Variants in KIF13A observed in about 807,000 individuals in gnomAD.
KIF13A encodes kinesin-like protein KIF13A.
A neutral mutation model predicts 212.2 loss-of-function variants in KIF13A; 79 were observed. The ratio of observed to expected loss-of-function variants is 0.37; its 90% CI spans 0.31 to 0.45. The LOEUF (loss-of-function observed/expected upper bound fraction) is 0.45. KIF13A is among the 20% of genes least tolerant of loss of function. KIF13A has a pLI of 1.00. For missense variants in KIF13A, 1,901 were observed against 2,209.0 expected (o/e 0.86, Z 2.79); for synonymous variants, 789 against 808.6 (o/e 0.98, Z 0.41).
intron 2 of KIF13A, among the ~76,000 whole-genome samples, chr6:17,981,024 C>CT (rs71687340): frequency 0.076 from 10,835 of 142,620 alleles, 448 homozygotes; most frequent in Middle Eastern, 0.13. Flanking sequence ...AAGAGGGGGA[C>CT]TTTTTTTTTT....
rs73723272 is a variant in KIF13A at position 17,896,493 on chromosome 6, G to A, written c.159+1675C>T. 6.5e-3 allele frequency among the ~76,000 whole-genome samples: 985 copies of A among 152,216 alleles called. 7 individuals are homozygous for A. The highest frequency in any genetic ancestry group is 0.023 in the African/African-American group (939 of 41,526). Reference sequence around the variant, plus strand: ...GAGGAAAGGCCTATATCTACTTTGTGTCCATCTTTATTTGATTCTATTGTG... The same window carrying A: ...GAGGAAAGGCCTATATCTACTTTGTATCCATCTTTATTTGATTCTATTGTG... On this transcript the variant is annotated intron_variant, in intron 3 of 38. Coordinates refer to ENST00000259711, the MANE Select transcript of KIF13A (RefSeq NM_022113.6).
chr6:17,839,820 A>G lies in KIF13A; in HGVS notation c.831-2237T>C, dbSNP rs1284241187. ...CGAGGATTGATGGCCCTACAGAAAC[A>G]AGGGGAGAGGCATGGAACAGATTCT... On this transcript the variant is annotated intron_variant, in intron 9 of 38. Coordinates refer to ENST00000259711, the MANE Select transcript of KIF13A (RefSeq NM_022113.6). This position sits in a 1 kb window ranked among gnomAD's most constrained non-coding sequence, Gnocchi z 4.3. 6.6e-6 allele frequency among the ~76,000 whole-genome samples: 1 copy of G among 152,128 alleles called. No individual in the cohort carries two copies. The highest frequency in any genetic ancestry group is 1.5e-5 in the Non-Finnish European group (1 of 68,010).
At position 17,987,398 on chromosome 6, in the gene KIF13A, A is replaced by G; in HGVS notation, c.55+11T>C. On this transcript the variant is annotated intron_variant, in intron 1 of 38. Transcript: ENST00000259711. The surrounding 1 kb of genome is among the most constrained non-coding windows in gnomAD (Gnocchi z 7.7). ...CCGAGCAGAAATAAAAAAGAGCGGA[A>G]AGCTCCTCACCTCGTCGGTTCATGG... is the stretch of plus-strand genomic sequence containing the variant. 3 of 1,365,808 alleles carry G rather than the reference A, an allele frequency of 2.2e-6. No homozygotes were observed. The highest frequency in any genetic ancestry group is 1.9e-6 in the Non-Finnish European group (2 of 1,030,940). The allele number at this position is 1,365,808 out of a possible 1,614,324, so 84.6% of individuals were successfully genotyped here. A position where few individuals can be genotyped will look rare whatever the true frequency, so the allele number is the denominator to read the frequency against.
chr6:17,977,114 CAAAAA>C (rs398000718), intron 2 of KIF13A, among the ~76,000 whole-genome samples: 189 of 106,664 alleles, frequency 1.8e-3, no homozygotes, highest in Admixed American at 2.4e-3. Context: ...AAAACAACAA[CAAAAA>C]AAAAAAAAAA....
chr6:17,963,798 G>A lies in KIF13A; in HGVS notation c.146+23256C>T, dbSNP rs756245661. Among the ~76,000 whole-genome samples, 5 of 152,092 alleles carry A rather than the reference G, an allele frequency of 3.3e-5. No individual in the cohort carries two copies. The highest frequency in any genetic ancestry group is 1.9e-4 in the East Asian group (1 of 5,176). Reference sequence around the variant, plus strand: ...TTTCATACTCCTGACCTTGTGATCCGCCCACCTCAGCCTCCCAAAGTGTTG... The same window carrying A: ...TTTCATACTCCTGACCTTGTGATCCACCCACCTCAGCCTCCCAAAGTGTTG... On this transcript the variant is annotated intron_variant, in intron 2 of 38. Transcript: ENST00000259711. The surrounding 1 kb of genome is among the most constrained non-coding windows in gnomAD (Gnocchi z 4.1).
Position 17,982,453 on chromosome 6 carries a change from A to T in KIF13A, c.146+4601T>A, listed in dbSNP as rs2150644298. On this transcript the variant is annotated intron_variant, in intron 2 of 38. Transcript: ENST00000259711. The surrounding 1 kb of genome is among the most constrained non-coding windows in gnomAD (Gnocchi z 5.1). ...TGTTCAGACAGGGATACCGCTGGTG[A>T]ATAAACTAAAAAATACATACAAAGT... is the stretch of plus-strand genomic sequence containing the variant. 1.0e-6 allele frequency: 1 copy of T among 983,954 alleles called. No individual in the cohort carries two copies. The highest frequency in any genetic ancestry group is 4.7e-5 in the South Asian group (1 of 21,248). 61.0% of individuals were successfully genotyped at this position (983,954 alleles called of 1,614,324 possible).
At chr6:17,870,412 T>C (rs2150430918) in intron 4 of KIF13A, among the ~76,000 whole-genome samples, 1 of 152,098 alleles carries the variant, frequency 6.6e-6, no homozygotes, top group Middle Eastern at 3.4e-3. Flanking sequence ...GTTTCACAAC[T>C]AAATTTTATC....
intron 17 of KIF13A, chr6:17,812,695 A>C (rs900424422): frequency 3.3e-5 from 5 of 152,196 alleles, no homozygotes; most frequent in Admixed American, 3.3e-4. Flanking sequence ...TACATACCCA[A>C]TAGTGAGATG....
At position 17,780,580 on chromosome 6, in the gene KIF13A, T is replaced by C. The variant is rs950597373; in HGVS notation, c.3846+150A>G. On this transcript the variant is annotated intron_variant, in intron 31 of 38. Coordinates refer to ENST00000259711, the MANE Select transcript of KIF13A (RefSeq NM_022113.6). ...TGACCTCTGCTATCCTAATGCCCAC[T>C]ACCTTGGATAAATGAGAATCAGACT... The C allele has an allele frequency of 5.6e-6, 4 of 709,742 alleles. No individual in the cohort carries two copies. In the East Asian group the frequency reaches 8.1e-5, roughly 14 times the overall value. 44.0% of individuals were successfully genotyped at this position (709,742 alleles called of 1,614,324 possible).
At chr6:17,819,593 G>GA (rs1562014463) in intron 16 of KIF13A, among the ~76,000 whole-genome samples, 2 of 148,146 alleles carry the variant, frequency 1.4e-5, no homozygotes. Flanking sequence ...TAAACTGGGG[G>GA]AAAAAACCCA....
intron 22 of KIF13A, among the ~76,000 whole-genome samples, chr6:17,798,597 T>C (rs903903956): frequency 6.6e-6 from 1 of 152,132 alleles, no homozygotes; most frequent in African/African-American, 2.4e-5. Flanking sequence ...AGGGATCTTG[T>C]GTATCTATGA....
At chr6:17,845,541 T>C (rs1041798278) in intron 9 of KIF13A, among the ~76,000 whole-genome samples, 1 of 152,192 alleles carries the variant, frequency 6.6e-6, no homozygotes, top group African/African-American at 2.4e-5. Context: ...AGATAAACAT[T>C]GTTTGCATTT....
chr6:17,808,166 A>C lies in KIF13A; in HGVS notation c.2163+602T>G, dbSNP rs548358607. On this transcript the variant is annotated intron_variant, in intron 18 of 38. Coordinates refer to ENST00000259711, the MANE Select transcript of KIF13A (RefSeq NM_022113.6). The stretch of plus-strand genomic sequence containing the variant: ...CTCTGGGAGACTGAGCGTGCAGAAC[A>C]TCTGAACCCAGGAGTTCAAGACTAG... Among the ~76,000 whole-genome samples the C allele has an allele frequency of 2.6e-5, 4 of 152,314 alleles. No homozygotes were observed. The South Asian group carries it at 8.3e-4, about 32-fold the overall frequency.
intron 17 of KIF13A, among the ~76,000 whole-genome samples, chr6:17,813,404 TGG>T (rs1763609460): frequency 6.6e-6 from 1 of 152,074 alleles, no homozygotes; most frequent in Non-Finnish European, 1.5e-5. Flanking sequence ...CGCTTGAACC[TGG>T]GAGATGGAGG....
intron 20 of KIF13A, 142 bp from the exon 21 acceptor site, chr6:17,800,255 C>CTCTGG: frequency 1.3e-6 from 1 of 742,804 alleles, no homozygotes; most frequent in Non-Finnish European, 2.1e-6. Context: ...GGGAGCCCTG[C>CTCTGG]TACTACCAGA....
rs1224238567 is a variant in KIF13A at position 17,783,375 on chromosome 6, G to C, written c.3544+271C>G. The stretch of plus-strand genomic sequence containing the variant: ...CAAGCCTAAAGACTCAGAATCTCTA[G>C]GGGTGATTACTTTCCAGGGTAATTT... On this transcript the variant is annotated intron_variant, in intron 29 of 38. Transcript: ENST00000259711. The surrounding 1 kb of genome is among the most constrained non-coding windows in gnomAD (Gnocchi z 4.3). Among the ~76,000 whole-genome samples, 2 of 152,224 alleles carry C rather than the reference G, an allele frequency of 1.3e-5. No homozygotes were observed. Among genetic ancestry groups the C allele is most frequent in the African/African-American group, 2.4e-5 (1 of 41,452 alleles).
Position 17,794,852 on chromosome 6 carries a change from A to G in KIF13A, c.2943-148T>C, listed in dbSNP as rs975993925. ...AAGTTACTTCCTTATTTAACTCTCAAAACCAACCTGTCATATTGTTTCTTT... is the reference window on the plus strand; with the variant it reads ...AAGTTACTTCCTTATTTAACTCTCAGAACCAACCTGTCATATTGTTTCTTT... On this transcript the variant is annotated intron_variant, in intron 23 of 38. Coordinates refer to ENST00000259711, the MANE Select transcript of KIF13A (RefSeq NM_022113.6). This position sits in a 1 kb window ranked among gnomAD's most constrained non-coding sequence, Gnocchi z 4.1. The G allele has an allele frequency of 7.0e-6, 5 of 718,064 alleles. No homozygotes were observed. The highest frequency in any genetic ancestry group is 1.1e-5 in the Non-Finnish European group (5 of 454,294). The allele number at this position is 718,064 out of a possible 1,614,324, so 44.5% of individuals were successfully genotyped here. A position where few individuals can be genotyped will look rare whatever the true frequency, so the allele number is the denominator to read the frequency against.
At chr6:17,800,775 A>C (rs1762409354) in intron 20 of KIF13A, among the ~76,000 whole-genome samples, 1 of 151,558 alleles carries the variant, frequency 6.6e-6, no homozygotes, top group African/African-American at 2.4e-5. Flanking sequence ...TAATTTTTGT[A>C]TTTTTAGTAG....
In KIF13A at chr6:17,914,346, T is replaced by C. The variant is rs1340687231; in HGVS notation, c.147-16166A>G. ...GAAGCTGAGTAGAATTAATTCAGAA[T>C]AGATTTTCATTTCTATGCAATCAAC... On this transcript the variant is annotated intron_variant, in intron 2 of 38. Coordinates refer to ENST00000259711, the MANE Select transcript of KIF13A (RefSeq NM_022113.6). This position sits in a 1 kb window ranked among gnomAD's most constrained non-coding sequence, Gnocchi z 5.9. Among the ~76,000 whole-genome samples the C allele has an allele frequency of 6.6e-6, 1 of 152,206 alleles. No homozygotes were observed.
Sources: gnomAD v4.1 joint callset for allele counts (sites outside exome capture counted in the v4.1 genomes callset) on GRCh38, gnomAD v4.1.1 for gene constraint, Gnocchi (gnomAD v3.1) non-coding constraint, MANE v1.5 for transcripts, NCBI Gene and HGNC (gene_info 2026-07-23, HGNC 2026-07-21) for gene names.